Variants in MGAT4C observed in about 807,000 individuals in gnomAD.
The protein encoded by MGAT4C is alpha-1,3-mannosyl-glycoprotein 4-beta-N-acetylglucosaminyltransferase C.
MGAT4C carries 19 observed loss-of-function variants against 40.1 expected under a neutral mutation model. The ratio of observed to expected loss-of-function variants is 0.47; its 90% CI spans 0.33 to 0.70. MGAT4C has a LOEUF of 0.70. Ranked by LOEUF, MGAT4C falls within the 30% of genes least tolerant of loss-of-function variation. The pLI, the probability that MGAT4C is intolerant of heterozygous loss-of-function variation, is 0.02. For missense variants in MGAT4C, 491 were observed against 563.2 expected, an observed-to-expected ratio of 0.87 and a Z score of 1.30; for synonymous variants, 181 against 187.1, an observed-to-expected ratio of 0.97 and a Z score of 0.27.
chr12:86,133,624 G>T (rs939664578), intron 1 of MGAT4C, among the ~76,000 whole-genome samples: 18 of 152,092 alleles, frequency 1.2e-4, no homozygotes, highest in Admixed American at 3.3e-4. Flanking sequence ...TATAATGCAG[G>T]TTATTACCTG....
intron 3 of MGAT4C, among the ~76,000 whole-genome samples, chr12:86,405,389 AC>A (rs1425842669): frequency 6.6e-6 from 1 of 151,960 alleles, no homozygotes; most frequent in African/African-American, 2.4e-5. Context: ...CCACTTAGAA[AC>A]AGTCATAAAA....
intron 2 of MGAT4C, among the ~76,000 whole-genome samples, chr12:86,587,657 C>T (rs1961115576): frequency 1.3e-5 from 2 of 151,936 alleles, no homozygotes. Flanking sequence ...TTGAAGAGGT[C>T]CTTCATGTCC....
At chr12:86,590,540 G>T (rs752554663) in intron 2 of MGAT4C, among the ~76,000 whole-genome samples, 42 of 151,904 alleles carry the variant, frequency 2.8e-4, no homozygotes, top group Non-Finnish European at 5.7e-4. Flanking sequence ...TCAAAACCCT[G>T]CCAGTAATCT....
At chr12:86,538,824 G>T (rs1310070722) in intron 2 of MGAT4C, among the ~76,000 whole-genome samples, 1 of 151,918 alleles carries the variant, frequency 6.6e-6, no homozygotes, top group African/African-American at 2.4e-5. Context: ...AGCCAGGATG[G>T]TCTCGATCTT....
At chr12:86,459,090 T>C (rs1276539930) in intron 2 of MGAT4C, among the ~76,000 whole-genome samples, 2 of 152,146 alleles carry the variant, frequency 1.3e-5, no homozygotes, top group East Asian at 1.9e-4. Context: ...GGTATAACTG[T>C]AGTAATAGAA....
intron 3 of MGAT4C, among the ~76,000 whole-genome samples, chr12:86,347,641 C>T (rs1254727373): frequency 2.0e-5 from 3 of 152,090 alleles, no homozygotes; most frequent in South Asian, 2.1e-4. Flanking sequence ...CTTGTCACCT[C>T]GTATAGACAC....
chr12:86,081,530 C>CACAACTGATAACTGA (rs1409907939), intron 1 of MGAT4C, among the ~76,000 whole-genome samples: 1 of 152,198 alleles, frequency 6.6e-6, no homozygotes, highest in East Asian at 1.9e-4. Flanking sequence ...TATTCAAGAG[C>CACAACTGATAACTGA]TAGTGTTCAT....
At chr12:86,673,201 A>T (rs1281587203) in intron 2 of MGAT4C, among the ~76,000 whole-genome samples, 1 of 152,196 alleles carries the variant, frequency 6.6e-6, no homozygotes, top group African/African-American at 2.4e-5. Flanking sequence ...GACAAATCAG[A>T]GTTTTGCTAT....
chr12:86,090,604 C>T (rs541509578), intron 1 of MGAT4C, among the ~76,000 whole-genome samples: 1 of 151,772 alleles, frequency 6.6e-6, no homozygotes, highest in African/African-American at 2.4e-5. Flanking sequence ...AGTCTAATAC[C>T]AGTCTATGTA....
At chr12:86,642,254 C>G (rs1265256798) in intron 2 of MGAT4C, among the ~76,000 whole-genome samples, 3 of 151,806 alleles carry the variant, frequency 2.0e-5, no homozygotes, top group Admixed American at 6.6e-5. Context: ...AAGTTTCTCT[C>G]TCTTGCCATT....
intron 3 of MGAT4C, among the ~76,000 whole-genome samples, chr12:86,388,347 T>C (rs1956098131): frequency 6.6e-6 from 1 of 152,114 alleles, no homozygotes; most frequent in African/African-American, 2.4e-5. Flanking sequence ...AAATGCATTA[T>C]AATTTCCAAG....
rs564610663 is a variant in MGAT4C, at chr12:86,182,009, A to C, written c.-57+74230T>G. 2.8e-4 allele frequency among the ~76,000 whole-genome samples: 43 copies of C among 151,926 alleles called. No individual in the cohort carries two copies. The South Asian group carries it at 8.7e-3, about 31-fold the overall frequency. ...TTTAAATGCTAATAACACTCTATCTACTGCATTGTACTACATTTTGCATAA... is the reference window on the plus strand; with the variant it reads ...TTTAAATGCTAATAACACTCTATCTCCTGCATTGTACTACATTTTGCATAA... On this transcript the variant is annotated intron_variant, in intron 1 of 4. Transcript: ENST00000611864.
chr12:86,137,483 TA>T (rs1460861982), intron 1 of MGAT4C, among the ~76,000 whole-genome samples: 1 of 152,216 alleles, frequency 6.6e-6, no homozygotes, highest in Non-Finnish European at 1.5e-5. Flanking sequence ...TGTTATTGCC[TA>T]AAGTCCAAGC....
chr12:86,514,898 T>G (rs1295626704), intron 2 of MGAT4C, among the ~76,000 whole-genome samples: 1 of 152,212 alleles, frequency 6.6e-6, no homozygotes, highest in African/African-American at 2.4e-5. Flanking sequence ...TGACATTTGG[T>G]GCTGAAAGAT....
intron 3 of MGAT4C, among the ~76,000 whole-genome samples, chr12:86,363,258 A>G (rs1384298732): frequency 3.3e-5 from 5 of 152,156 alleles, no homozygotes. Flanking sequence ...GGTCTCATCT[A>G]TGTTAACATA....
In MGAT4C at chr12:86,587,266, T is replaced by C. The variant is rs1292649641; in HGVS notation, c.-229+139943A>G. Among the ~76,000 whole-genome samples, 3 of 152,064 alleles carry C rather than the reference T, an allele frequency of 2.0e-5. No individual in the cohort carries two copies. In the South Asian group the frequency reaches 6.2e-4, roughly 32 times the overall value. ...TTGTCAAAGATCAGATAGTTGTAGATATGCGGCATTATTTCTGAGGACTCT... is the reference window on the plus strand; with the variant it reads ...TTGTCAAAGATCAGATAGTTGTAGACATGCGGCATTATTTCTGAGGACTCT... On this transcript the variant is annotated intron_variant, in intron 2 of 7. Coordinates refer to the MGAT4C transcript ENST00000548651.
chr12:86,406,066 T>C (rs1282795789), intron 3 of MGAT4C, among the ~76,000 whole-genome samples: 1 of 145,754 alleles, frequency 6.9e-6, no homozygotes, highest in Non-Finnish European at 1.5e-5. Flanking sequence ...TATACAGTAA[T>C]TTTTATATAT....
At chr12:86,261,064 C>T (rs966216637), upstream of MGAT4C, among the ~76,000 whole-genome samples, 23 of 151,926 alleles carry the variant, frequency 1.5e-4, no homozygotes, top group African/African-American at 5.6e-4. Flanking sequence ...AACAATGGAG[C>T]ACATGATAAA....
At chr12:86,548,068 G>C (rs1218658617) in intron 2 of MGAT4C, among the ~76,000 whole-genome samples, 1 of 152,106 alleles carries the variant, frequency 6.6e-6, no homozygotes, top group Non-Finnish European at 1.5e-5. Context: ...ATATGCACAT[G>C]CATATACATG....
Sources: allele counts gnomAD v4.1 joint callset (sites outside exome capture counted in the v4.1 genomes callset), GRCh38; gene constraint gnomAD v4.1.1; transcripts MANE v1.5; gene names NCBI Gene and HGNC (gene_info 2026-07-23, HGNC 2026-07-21).